The following CDH4 variants were observed in gnomAD, a reference collection of about 807,000 sequenced individuals.
The protein encoded by CDH4 is cadherin 4.
CDH4 carries 33 observed loss-of-function variants against 86.0 expected under a neutral mutation model. The observed-to-expected ratio is 0.38, with a 90% CI of 0.29 to 0.51. The LOEUF is 0.51. Among genes scored for constraint, CDH4 ranks in the 20% least tolerant of loss-of-function variants. The pLI, the probability that CDH4 is intolerant of heterozygous loss-of-function variation, is 0.86. For missense variants in CDH4, 1,114 were observed against 1,307.4 expected (o/e 0.85, Z 2.28); for synonymous variants, 555 against 549.4 (o/e 1.01, Z -0.14).
chr20:61,424,792 G>A (rs903597015), intron 2 of CDH4, among the ~76,000 whole-genome samples: 2 of 152,224 alleles, frequency 1.3e-5, no homozygotes, highest in African/African-American at 4.8e-5. Context: ...TCCCTGTGCT[G>A]TGGGCATTTG....
chr20:61,428,215 G>A (rs1053120627), intron 2 of CDH4, among the ~76,000 whole-genome samples: 15 of 152,204 alleles, frequency 9.9e-5, no homozygotes, highest in African/African-American at 2.7e-4. Context: ...ACTACCAAGT[G>A]TCGACAGAAA....
intron 2 of CDH4, among the ~76,000 whole-genome samples, chr20:61,712,448 C>G (rs1029794647): frequency 1.3e-5 from 2 of 152,108 alleles, no homozygotes; most frequent in Non-Finnish European, 2.9e-5. Context: ...AGCCACTGCC[C>G]TAGAGGGGAG....
intron 2 of CDH4, among the ~76,000 whole-genome samples, chr20:61,646,247 C>T (rs954235685): frequency 6.6e-6 from 1 of 152,112 alleles, no homozygotes; most frequent in African/African-American, 2.4e-5. Flanking sequence ...CGTTCAGGAA[C>T]TCGGCTGAAA....
At chr20:61,494,856 A>G (rs1190015312) in intron 2 of CDH4, among the ~76,000 whole-genome samples, 1 of 152,380 alleles carries the variant, frequency 6.6e-6, no homozygotes, top group East Asian at 1.9e-4. Flanking sequence ...TGAGTGTGGT[A>G]GCGCCTCGTG....
chr20:61,756,880 C>A (rs1013766269), intron 3 of CDH4, among the ~76,000 whole-genome samples: 7 of 152,192 alleles, frequency 4.6e-5, no homozygotes, highest in Admixed American at 1.3e-4. Flanking sequence ...GGGAAAGCAA[C>A]TAGAAGGTCC....
intron 2 of CDH4, among the ~76,000 whole-genome samples, chr20:61,699,822 A>G (rs547751131): frequency 1.7e-3 from 256 of 152,226 alleles, no homozygotes; most frequent in Middle Eastern, 6.8e-3. Context: ...CGGGGCACAC[A>G]CATGTCGTGA....
intron 2 of CDH4, among the ~76,000 whole-genome samples, chr20:61,540,031 C>T (rs879526485): frequency 1.3e-5 from 2 of 152,164 alleles, no homozygotes; most frequent in African/African-American, 4.8e-5. Context: ...GGAGGCAATT[C>T]GATCCGATTG....
chr20:61,666,148 A>G (rs67869250), intron 2 of CDH4, among the ~76,000 whole-genome samples: 70,819 of 152,020 alleles, frequency 0.47, 16,999 homozygotes, highest in African/African-American at 0.52. Flanking sequence ...AAGTAAGGCC[A>G]TGGCCTCCTG....
At chr20:61,474,548 T>C (rs967090418) in intron 2 of CDH4, among the ~76,000 whole-genome samples, 3 of 152,004 alleles carry the variant, frequency 2.0e-5, no homozygotes, top group African/African-American at 7.3e-5. Context: ...ATATCATTGA[T>C]TCATGTGGGC....
intron 2 of CDH4, among the ~76,000 whole-genome samples, chr20:61,478,347 C>T (rs760117952): frequency 2.8e-4 from 42 of 152,114 alleles, no homozygotes; most frequent in Non-Finnish European, 4.0e-4. Flanking sequence ...TAACTGGCTC[C>T]GAAGTAGCAC....
chr20:61,772,141 C>T (rs1486746103), intron 3 of CDH4, among the ~76,000 whole-genome samples: 1 of 152,256 alleles, frequency 6.6e-6, no homozygotes, highest in Admixed American at 6.5e-5. Flanking sequence ...AGGGCCATTG[C>T]TACTATCTCC....
rs528438854 is a variant in CDH4, at chr20:61,505,807, A to T, written c.170-237756A>T. ...GTGTTTTTAGGGAAATTCAGTCCTC[A>T]CGCTGCTTATGTTAAGATGAATGGG... On this transcript the variant is annotated intron_variant, in intron 2 of 15. Transcript: ENST00000614565. Among the ~76,000 whole-genome samples, 9 of 151,580 alleles carry T rather than the reference A, an allele frequency of 5.9e-5. No homozygotes were observed. In the South Asian group the frequency reaches 1.9e-3, roughly 32 times the overall value.
chr20:61,801,523 C>T (rs929706154), intron 4 of CDH4, among the ~76,000 whole-genome samples: 1 of 152,200 alleles, frequency 6.6e-6, no homozygotes, highest in African/African-American at 2.4e-5. Flanking sequence ...TCACCACAAA[C>T]CAGGTGGCAG....
At chr20:61,633,566 T>A (rs766599542) in intron 2 of CDH4, among the ~76,000 whole-genome samples, 3 of 152,166 alleles carry the variant, frequency 2.0e-5, no homozygotes, top group African/African-American at 4.8e-5. Flanking sequence ...CATCCACCCA[T>A]CACCAAGTTC....
At chr20:61,869,259 A>G (rs1488007879) in intron 6 of CDH4, among the ~76,000 whole-genome samples, 3 of 152,262 alleles carry the variant, frequency 2.0e-5, no homozygotes, top group Non-Finnish European at 4.4e-5. Context: ...AGCATACAGC[A>G]GAGGTCAGCA....
chr20:61,929,536 C>A, intron 12 of CDH4, 73 bp from the exon 13 acceptor site: 1 of 1,188,018 alleles, frequency 8.4e-7, no homozygotes, highest in Non-Finnish European at 1.2e-6. Flanking sequence ...GACTTTTAGT[C>A]TTTTCCTTTG....
intron 2 of CDH4, among the ~76,000 whole-genome samples, chr20:61,315,846 GGTGT>G (rs2123231443): frequency 6.6e-6 from 1 of 152,312 alleles, no homozygotes; most frequent in African/African-American, 2.4e-5. Flanking sequence ...TAGGACTACA[GGTGT>G]ACACCACCAT....
intron 2 of CDH4, among the ~76,000 whole-genome samples, chr20:61,379,861 C>G (rs2084890508): frequency 6.6e-6 from 1 of 152,164 alleles, no homozygotes; most frequent in African/African-American, 2.4e-5. Context: ...ATAAAAATGA[C>G]TCAAAAATAG....
At chr20:61,515,809 A>G (rs2085814518) in intron 2 of CDH4, among the ~76,000 whole-genome samples, 1 of 152,120 alleles carries the variant, frequency 6.6e-6, no homozygotes, top group Non-Finnish European at 1.5e-5. Context: ...CTTGTCGGAA[A>G]TCTACTCTCC....
Sources: allele counts gnomAD v4.1 joint callset (sites outside exome capture counted in the v4.1 genomes callset), GRCh38; gene constraint gnomAD v4.1.1; transcripts MANE v1.5; gene names NCBI Gene and HGNC (gene_info 2026-07-23, HGNC 2026-07-21).